The following RFX6 variants were observed in gnomAD, a reference collection of about 807,000 sequenced individuals.
The protein encoded by RFX6 is DNA-binding protein RFX6.
RFX6 carries 50 observed loss-of-function variants against 110.8 expected under a neutral mutation model. The observed-to-expected ratio is 0.45, with a 90% CI of 0.36 to 0.57. RFX6 has a LOEUF of 0.57. Ranked by LOEUF, RFX6 falls within the 20% of genes least tolerant of loss-of-function variation. RFX6 has a pLI of 0.00. For missense variants in RFX6, 990 were observed against 1,127.0 expected (o/e 0.88, Z 1.74); for synonymous variants, 383 against 411.2 (o/e 0.93, Z 0.83).
Position 116,916,027 on chromosome 6 carries a change from T to C in RFX6, c.800T>C (p.Met267Thr). The change falls in exon 8 of 19, where the codon ATG becomes ACG. Residue 267 changes from methionine to threonine, a missense_variant. Around this residue, in one of 5 missense-constraint regions of RFX6, gnomAD observed 243 missense variants for 353.1 expected, o/e 0.69. Coordinates refer to ENST00000332958, the MANE Select transcript of RFX6 (RefSeq NM_173560.4). ...AAATAGGTTGATACGCTCATAATGATGTACAAAACTCACTGCCAGTGTATC... is the reference window on the plus strand; with the variant it reads ...AAATAGGTTGATACGCTCATAATGACGTACAAAACTCACTGCCAGTGTATC... ...SKDKVDTLIM[M>T]YKTHCQCILD... The C allele has an allele frequency of 2.5e-6, 4 of 1,611,072 alleles. No homozygotes were observed. The highest frequency in any genetic ancestry group is 3.4e-6 in the Non-Finnish European group (4 of 1,177,506).
In RFX6 at chr6:116,931,616, C is replaced by T. The variant is rs2114708475; in HGVS notation, c.*110C>T. On this transcript the variant is annotated 3_prime_UTR_variant, in exon 19 of 19. Transcript: ENST00000332958. ...GTAAATAAAAATGAATATGCAGTGG[C>T]TGACATTGTTTTAAAGTCACTGGTA... The T allele has an allele frequency of 3.6e-6, 3 of 822,334 alleles. No individual in the cohort carries two copies. In the East Asian group the frequency reaches 8.0e-5, roughly 22 times the overall value. 50.9% of individuals were successfully genotyped at this position (822,334 alleles called of 1,614,324 possible). A position where few individuals can be genotyped will look rare whatever the true frequency, so the allele number is the denominator to read the frequency against.
chr6:116,877,687 T>G, intron 1 of RFX6, 109 bp from the exon 2 acceptor site: 14 of 844,938 alleles, frequency 1.7e-5, no homozygotes, highest in Non-Finnish European at 2.5e-5. Context: ...TTTCCTCCCC[T>G]CCGCCCCCAC....
intron 12 of RFX6, 100 bp from the exon 13 acceptor site, chr6:116,921,942 A>G: frequency 1.5e-6 from 1 of 681,002 alleles, no homozygotes; most frequent in East Asian, 2.6e-5. Flanking sequence ...TCATGCTATC[A>G]AAGTATTGAT....
chr6:116,884,974 TA>T (rs11419094), intron 4 of RFX6: 1 of 152,144 alleles, frequency 6.6e-6, no homozygotes, highest in Non-Finnish European at 1.5e-5. Flanking sequence ...CTACATATGG[TA>T]AAAATATAGC....
chr6:116,908,583 G>C (rs1370887070), intron 6 of RFX6, among the ~76,000 whole-genome samples: 1 of 151,736 alleles, frequency 6.6e-6, no homozygotes, highest in Non-Finnish European at 1.5e-5. Context: ...ATTTTCAAGG[G>C]TATTTTACCA....
chr6:116,915,892 T>A (rs1426431057), intron 7 of RFX6, 116 bp from the exon 8 acceptor site: 1 of 793,552 alleles, frequency 1.3e-6, no homozygotes, highest in Middle Eastern at 3.6e-4. Flanking sequence ...TCCTCAACAT[T>A]GAGCATACTG....
chr6:116,922,191 A>G (rs776672698), intron 13 of RFX6, 40 bp downstream of exon 13: 1 of 968,122 alleles, frequency 1.0e-6, no homozygotes, highest in Non-Finnish European at 1.7e-6. Flanking sequence ...AGTTCCTTGT[A>G]AAGAGTAAAT....
intron 14 of RFX6, 89 bp from the exon 15 acceptor site, chr6:116,924,580 A>T: frequency 8.3e-7 from 1 of 1,204,552 alleles, no homozygotes; most frequent in Non-Finnish European, 1.2e-6. Flanking sequence ...GGTCACAAAG[A>T]TAACTGACTT....
In RFX6 at chr6:116,919,302, T is replaced by C. The variant is rs970365563; in HGVS notation, c.1182+6T>C. 1.2e-6 allele frequency: 2 copies of C among 1,612,604 alleles called. No individual in the cohort carries two copies. The highest frequency in any genetic ancestry group is 1.7e-5 in the Admixed American group (1 of 59,970). The stretch of plus-strand genomic sequence containing the variant: ...CTTTCTTACATCTTGCCCAGGTATG[T>C]TGGTTGCTAAGTCGAGAGCATTTGA... On this transcript the variant is annotated splice_donor_region_variant and intron_variant, in intron 11 of 18. Coordinates refer to ENST00000332958, the MANE Select transcript of RFX6 (RefSeq NM_173560.4).
intron 3 of RFX6, 55 bp from the exon 4 acceptor site, chr6:116,882,312 C>A: frequency 7.7e-7 from 1 of 1,299,506 alleles, no homozygotes; most frequent in Non-Finnish European, 1.1e-6. Flanking sequence ...CTATGAGTGG[C>A]TTGCATTAGG....
rs1358486224 is a variant in RFX6, at chr6:116,919,593, T to C, written c.1182+297T>C. 2.6e-5 allele frequency among the ~76,000 whole-genome samples: 4 copies of C among 152,196 alleles called. No homozygotes were observed. The East Asian group carries it at 5.8e-4, about 22-fold the overall frequency. On this transcript the variant is annotated intron_variant, in intron 11 of 18. Transcript: ENST00000332958. ...GCTGGATGGAGAGTATATGGAAATA[T>C]TCTGCACTATCTTTGCAACTTCTCT...
chr6:116,904,249 C>A (rs75226749), intron 6 of RFX6, among the ~76,000 whole-genome samples: 1,617 of 151,852 alleles, frequency 0.011, 34 homozygotes, highest in African/African-American at 0.037. Context: ...CTTAAGAGTT[C>A]TTTATATGTT....
chr6:116,914,722 T>G (rs1687081267), intron 7 of RFX6, among the ~76,000 whole-genome samples: 1 of 152,062 alleles, frequency 6.6e-6, no homozygotes, highest in Admixed American at 6.6e-5. Context: ...TAAAGGGAAA[T>G]GCAAAGGGTT....
rs890305143 is a variant in RFX6, at chr6:116,915,952, A to C, written c.781-56A>C. ...AAAAATCTGTGTTGAACAAATTAACAAGAAAAGGCAGTGTTAAAAGGATGC... is the reference window on the plus strand; with the variant it reads ...AAAAATCTGTGTTGAACAAATTAACCAGAAAAGGCAGTGTTAAAAGGATGC... On this transcript the variant is annotated intron_variant, in intron 7 of 18. Transcript: ENST00000332958. 3 of 1,163,712 alleles carry C rather than the reference A, an allele frequency of 2.6e-6. No homozygotes were observed. The African/African-American group carries it at 4.5e-5, about 18-fold the overall frequency. The allele number at this position is 1,163,712 out of a possible 1,614,324, so 72.1% of individuals were successfully genotyped here.
At chr6:116,918,829 T>C (rs977850951) in intron 10 of RFX6, among the ~76,000 whole-genome samples, 3 of 152,128 alleles carry the variant, frequency 2.0e-5, no homozygotes, top group African/African-American at 7.2e-5. Context: ...TAATTATCAA[T>C]TGTAGTCTTT....
chr6:116,899,883 A>G (rs1182652517), intron 6 of RFX6, among the ~76,000 whole-genome samples: 1 of 152,152 alleles, frequency 6.6e-6, no homozygotes, highest in Non-Finnish European at 1.5e-5. Context: ...CAAAGGAAAA[A>G]CTGGGGGAAA....
In RFX6 at chr6:116,877,960, T is replaced by G; in HGVS notation, c.380+8T>G. ...ACAGCTCACGCTGCAGTGGTGAGAC[T>G]CGCCCGCAGGGTACACTGAAGCACC... is the stretch of plus-strand genomic sequence containing the variant. On this transcript the variant is annotated splice_region_variant and intron_variant, in intron 2 of 18. Coordinates refer to ENST00000332958, the MANE Select transcript of RFX6 (RefSeq NM_173560.4). 6.2e-7 allele frequency: 1 copy of G among 1,613,658 alleles called. No homozygotes were observed. The highest frequency in any genetic ancestry group is 2.2e-5 in the East Asian group (1 of 44,876).
chr6:116,916,937 G>C (rs1775481487), intron 9 of RFX6, among the ~76,000 whole-genome samples: 1 of 152,056 alleles, frequency 6.6e-6, no homozygotes, highest in African/African-American at 2.4e-5. Flanking sequence ...ATTGCAATGT[G>C]GGTACTTTAA....
intron 18 of RFX6, among the ~76,000 whole-genome samples, chr6:116,930,858 G>C (rs1276610238): frequency 6.6e-6 from 1 of 152,108 alleles, no homozygotes; most frequent in Admixed American, 6.6e-5. Context: ...ATGTTCCAAG[G>C]GTATCGGAAG....
Sources: allele counts gnomAD v4.1 joint callset (sites outside exome capture counted in the v4.1 genomes callset), GRCh38; gene constraint gnomAD v4.1.1; regional missense constraint gnomAD v4.1.1; transcripts MANE v1.5; gene names NCBI Gene and HGNC (gene_info 2026-07-23, HGNC 2026-07-21).